ACTR3C: variants seen among roughly 807,000 people sequenced by gnomAD.
The protein encoded by ACTR3C is actin-related protein 3C.
Under a neutral mutation model 26.3 loss-of-function variants are expected in ACTR3C, and 18 were observed. That is an observed-to-expected ratio of 0.68 (90% CI 0.47 to 1.01). The LOEUF (loss-of-function observed/expected upper bound fraction) is 1.01. Ranked by LOEUF, ACTR3C falls within the 50% of genes least tolerant of loss-of-function variation. The pLI, the probability that ACTR3C is intolerant of heterozygous loss-of-function variation, is 0.00. For synonymous variants in ACTR3C, 55 were observed against 94.5 expected (o/e 0.58, Z 2.42); for missense variants, 184 against 250.7 (o/e 0.73, Z 1.80).
At chr7:150,039,005 G>GT in the ACTR3C span, among the ~76,000 whole-genome samples, 1 of 46,706 alleles carries the variant, frequency 2.1e-5, no homozygotes, top group African/African-American at 6.8e-5. Context: ...GAGCCGGGGG[G>GT]CGGGGAAGAG....
the ACTR3C span, among the ~76,000 whole-genome samples, chr7:150,066,685 T>C: frequency 6.6e-6 from 1 of 152,202 alleles, no homozygotes; most frequent in Non-Finnish European, 1.5e-5. Flanking sequence ...CAATGAGCCT[T>C]CCACCAATGT....
At chr7:149,996,233 G>A in the ACTR3C span, among the ~76,000 whole-genome samples, 1 of 152,026 alleles carries the variant, frequency 6.6e-6, no homozygotes, top group African/African-American at 2.4e-5. Flanking sequence ...CGGAGTAAAG[G>A]AGGGGAGGGA....
At chr7:150,034,653 C>T in the ACTR3C span, among the ~76,000 whole-genome samples, 4 of 150,918 alleles carry the variant, frequency 2.7e-5, 1 homozygote, top group African/African-American at 9.7e-5. Flanking sequence ...CCCGTCGGAT[C>T]GTAAATCCCA....
chr7:150,323,403 G>C (rs1005999187), intron 1 of ACTR3C, 66 bp downstream of exon 1: 2 of 304,314 alleles, frequency 6.6e-6, no homozygotes, highest in Non-Finnish European at 1.3e-5. Flanking sequence ...AACAAGTTGG[G>C]TGGTGGGCAC....
At chr7:149,971,086 T>C in the ACTR3C span, among the ~76,000 whole-genome samples, 5 of 152,336 alleles carry the variant, frequency 3.3e-5, no homozygotes, top group Middle Eastern at 3.4e-3. Context: ...AGGCAACCGA[T>C]GGCTCTGCTA....
chr7:149,912,681 T>G, the ACTR3C span, among the ~76,000 whole-genome samples: 51 of 151,952 alleles, frequency 3.4e-4, no homozygotes, highest in African/African-American at 8.0e-4. Flanking sequence ...TTTTGTATTT[T>G]TAGTAGAGAT....
chr7:149,885,575 A>AC, the ACTR3C span, among the ~76,000 whole-genome samples: 1 of 152,178 alleles, frequency 6.6e-6, no homozygotes, highest in Admixed American at 6.5e-5. Context: ...CCCCTACAGG[A>AC]CCTCCGCCTT....
the ACTR3C span, among the ~76,000 whole-genome samples, chr7:150,014,315 G>T: frequency 6.6e-6 from 1 of 152,054 alleles, no homozygotes. Flanking sequence ...AATTAGCTGG[G>T]CATGGTGGCG....
the ACTR3C span, among the ~76,000 whole-genome samples, chr7:150,185,224 C>T: frequency 5.3e-5 from 8 of 151,472 alleles, no homozygotes; most frequent in Non-Finnish European, 7.4e-5. Flanking sequence ...GTGTCTACCA[C>T]AGTGATCCTG....
At chr7:150,073,710 T>C in the ACTR3C span, 1 of 150,474 alleles carries the variant, frequency 6.6e-6, no homozygotes, top group East Asian at 1.9e-4. Context: ...TGATTTTATA[T>C]TCATTTCCAT....
chr7:150,299,045 A>G lies in ACTR3C; in HGVS notation c.-51-3698T>C, dbSNP rs1450234777. The stretch of plus-strand genomic sequence containing the variant: ...AACCAGGCTCAAGTGCAGTAGCCCA[A>G]TCTCGGATCTCTGGGAGACTCCACC... On this transcript the variant is annotated intron_variant, in intron 1 of 7. Coordinates refer to ENST00000683684, the MANE Select transcript of ACTR3C (RefSeq NM_001164458.2). 6.3e-5 allele frequency among the ~76,000 whole-genome samples: 9 copies of G among 142,900 alleles called. No individual in the cohort carries two copies. In the East Asian group the frequency reaches 1.0e-3, roughly 16 times the overall value. 93.7% of individuals were successfully genotyped at this position (142,900 alleles called of 152,430 possible).
the ACTR3C span, among the ~76,000 whole-genome samples, chr7:150,035,834 G>A: frequency 2.2e-5 from 3 of 135,464 alleles, no homozygotes; most frequent in African/African-American, 8.1e-5. Context: ...GCCTTGCGGG[G>A]GTTGCCTCTC....
At chr7:150,294,244 G>A (rs1836540339) in intron 2 of ACTR3C, among the ~76,000 whole-genome samples, 2 of 152,186 alleles carry the variant, frequency 1.3e-5, no homozygotes, top group African/African-American at 4.8e-5. Context: ...CTTGAGGTGG[G>A]GCTGCTGTCT....
chr7:150,040,545 T>A, the ACTR3C span: 8 of 148,696 alleles, frequency 5.4e-5, no homozygotes, highest in African/African-American at 2.1e-4. Context: ...CTCCTAAGAA[T>A]TCTCTCACCT....
the ACTR3C span, among the ~76,000 whole-genome samples, chr7:149,967,996 C>T: frequency 6.0e-3 from 910 of 152,278 alleles, 6 homozygotes; most frequent in African/African-American, 0.021. Flanking sequence ...CCCTTTTCTG[C>T]CCAGGACGGC....
At chr7:150,139,958 TCA>T in the ACTR3C span, among the ~76,000 whole-genome samples, 1 of 151,648 alleles carries the variant, frequency 6.6e-6, no homozygotes, top group Non-Finnish European at 1.5e-5. Context: ...CCTGGAGAAA[TCA>T]CACACAAATA....
chr7:149,971,808 C>T, the ACTR3C span, among the ~76,000 whole-genome samples: 8 of 152,298 alleles, frequency 5.3e-5, no homozygotes, highest in East Asian at 5.8e-4. Flanking sequence ...TTTTAGTAAA[C>T]GGTTCCTAGT....
the ACTR3C span, among the ~76,000 whole-genome samples, chr7:150,066,670 C>A: frequency 6.6e-6 from 1 of 152,160 alleles, no homozygotes; most frequent in Non-Finnish European, 1.5e-5. Flanking sequence ...ACAGTAAAAT[C>A]ATCTCAATGA....
downstream of ACTR3C, among the ~76,000 whole-genome samples, chr7:150,243,349 A>G (rs150197320): frequency 0.022 from 3,295 of 152,186 alleles, 118 homozygotes; most frequent in African/African-American, 0.075. Flanking sequence ...GGCATTTAAA[A>G]TGATTTTATC....
Sources: gnomAD v4.1 joint callset for allele counts (sites outside exome capture counted in the v4.1 genomes callset) on GRCh38, gnomAD v4.1.1 for gene constraint, MANE v1.5 for transcripts, NCBI Gene and HGNC (gene_info 2026-07-23, HGNC 2026-07-21) for gene names.